SCHIP1: variants seen among roughly 807,000 people sequenced by gnomAD.
SCHIP1 encodes the protein schwannomin-interacting protein 1.
Under a neutral mutation model 29.7 loss-of-function variants are expected in SCHIP1, and 8 were observed. That is an observed-to-expected ratio of 0.27 (90% CI 0.16 to 0.49). The LOEUF is 0.49. Among genes scored for constraint, SCHIP1 ranks in the 20% least tolerant of loss-of-function variants. The probability of loss-of-function intolerance (pLI) is 0.99; values close to 1 mark genes in which losing one functional copy is unlikely to be tolerated. For synonymous variants in SCHIP1, 76 were observed against 94.9 expected, an observed-to-expected ratio of 0.80 and a Z score of 1.16; for missense variants, 193 against 294.6, an observed-to-expected ratio of 0.66 and a Z score of 2.52.
At chr3:159,728,225 T>G in the SCHIP1 span, among the ~76,000 whole-genome samples, 3 of 151,924 alleles carry the variant, frequency 2.0e-5, no homozygotes, top group African/African-American at 7.3e-5. Context: ...ATTCTGGGAG[T>G]TGATCACACC....
chr3:159,457,090 G>A, the SCHIP1 span, among the ~76,000 whole-genome samples: 1 of 152,060 alleles, frequency 6.6e-6, no homozygotes, highest in Non-Finnish European at 1.5e-5. Flanking sequence ...ATTTGTCTCT[G>A]TAAAAATTAA....
chr3:159,467,132 C>G, the SCHIP1 span, among the ~76,000 whole-genome samples: 1 of 152,076 alleles, frequency 6.6e-6, no homozygotes, highest in Non-Finnish European at 1.5e-5. Context: ...CACACACACA[C>G]TTGTCTAATC....
intron 2 of SCHIP1, among the ~76,000 whole-genome samples, chr3:159,872,265 A>G (rs1402726631): frequency 6.6e-6 from 1 of 152,080 alleles, no homozygotes; most frequent in Non-Finnish European, 1.5e-5. Context: ...TTTTAATAGC[A>G]CAAATATGTT....
At chr3:159,379,570 A>T in the SCHIP1 span, among the ~76,000 whole-genome samples, 1 of 152,304 alleles carries the variant, frequency 6.6e-6, no homozygotes, top group East Asian at 1.9e-4. Context: ...CTTTCATATG[A>T]TTCTGAAGAT....
chr3:159,387,697 G>A, the SCHIP1 span, among the ~76,000 whole-genome samples: 7 of 152,250 alleles, frequency 4.6e-5, 1 homozygote, highest in Admixed American at 1.3e-4. Flanking sequence ...AGTGCATAAT[G>A]GTCAAACACC....
At chr3:159,342,293 T>A in the SCHIP1 span, among the ~76,000 whole-genome samples, 1 of 152,186 alleles carries the variant, frequency 6.6e-6, no homozygotes, top group Non-Finnish European at 1.5e-5. Flanking sequence ...ATTTTCATCT[T>A]AAAGATGTAT....
chr3:159,426,421 C>T, the SCHIP1 span, among the ~76,000 whole-genome samples: 1 of 152,176 alleles, frequency 6.6e-6, no homozygotes, highest in African/African-American at 2.4e-5. Context: ...TGCAAATAAA[C>T]TAGAAAATCT....
the SCHIP1 span, among the ~76,000 whole-genome samples, chr3:159,743,949 T>C: frequency 6.6e-6 from 1 of 152,188 alleles, no homozygotes; most frequent in Non-Finnish European, 1.5e-5. Context: ...GATGAACCCC[T>C]AACTCACAGT....
chr3:159,635,201 A>G, the SCHIP1 span, among the ~76,000 whole-genome samples: 4 of 152,180 alleles, frequency 2.6e-5, no homozygotes, highest in African/African-American at 9.7e-5. Flanking sequence ...TCTATGAGTG[A>G]TAAGTCAAAT....
chr3:159,876,447 A>G (rs1288746002), intron 2 of SCHIP1, among the ~76,000 whole-genome samples: 1 of 152,162 alleles, frequency 6.6e-6, no homozygotes, highest in Non-Finnish European at 1.5e-5. Flanking sequence ...AATTGTGCCT[A>G]CTTCATGGGG....
In SCHIP1 at chr3:159,854,378, A is replaced by ATG. The variant is rs955026913; in HGVS notation, c.31-11784_31-11783insGT. 2.0e-4 allele frequency among the ~76,000 whole-genome samples: 30 copies of ATG among 151,922 alleles called. No individual in the cohort carries two copies. The South Asian group carries it at 5.2e-3, about 26-fold the overall frequency. ...ATGGTAGTTTATATCTTATATACAT[A>ATG]TATGTGTGTGTGTGAGTGTGGGGAC... On this transcript the variant is annotated intron_variant, in intron 1 of 6. Transcript: ENST00000445224.
the SCHIP1 span, among the ~76,000 whole-genome samples, chr3:159,353,789 A>T: frequency 6.6e-6 from 1 of 152,200 alleles, no homozygotes; most frequent in Non-Finnish European, 1.5e-5. Flanking sequence ...TTCAACCAAG[A>T]TGTATTTATT....
At chr3:159,333,648 A>T in the SCHIP1 span, among the ~76,000 whole-genome samples, 1 of 152,212 alleles carries the variant, frequency 6.6e-6, no homozygotes, top group African/African-American at 2.4e-5. Context: ...GACTACTCCT[A>T]CACATATGGG....
the SCHIP1 span, among the ~76,000 whole-genome samples, chr3:159,474,675 A>G: frequency 2.0e-5 from 3 of 152,138 alleles, no homozygotes; most frequent in South Asian, 6.2e-4. Context: ...GAGTCCAGCC[A>G]GATGTAAGAT....
chr3:159,896,666 A>G (rs1718098162), intron 6 of SCHIP1, 57 bp from the exon 8 acceptor site: 1 of 1,500,138 alleles, frequency 6.7e-7, no homozygotes, highest in African/African-American at 1.4e-5. Context: ...CTATTGATTG[A>G]AAAGCAGTTT....
At chr3:159,858,696 A>G (rs952732452) in intron 1 of SCHIP1, among the ~76,000 whole-genome samples, 3 of 152,192 alleles carry the variant, frequency 2.0e-5, no homozygotes, top group African/African-American at 7.2e-5. Context: ...GTCAGCCAAT[A>G]CTGAAGTAAA....
chr3:159,711,920 C>A, the SCHIP1 span, among the ~76,000 whole-genome samples: 1 of 151,456 alleles, frequency 6.6e-6, no homozygotes, highest in African/African-American at 2.4e-5. Flanking sequence ...GCTCTGGGAA[C>A]GACCTAGGGA....
At chr3:159,656,127 G>A in the SCHIP1 span, among the ~76,000 whole-genome samples, 1 of 152,150 alleles carries the variant, frequency 6.6e-6, no homozygotes, top group Non-Finnish European at 1.5e-5. Flanking sequence ...GACAGATCTG[G>A]TAAGAAGAAT....
At chr3:159,372,807 T>C in the SCHIP1 span, among the ~76,000 whole-genome samples, 1 of 145,068 alleles carries the variant, frequency 6.9e-6, no homozygotes, top group African/African-American at 2.9e-5. Context: ...AATAAAACTT[T>C]CTTCAAACAC....
Sources: gnomAD v4.1 joint callset for allele counts (sites outside exome capture counted in the v4.1 genomes callset) on GRCh38, gnomAD v4.1.1 for gene constraint, MANE v1.5 for transcripts, NCBI Gene and HGNC (gene_info 2026-07-23, HGNC 2026-07-21) for gene names.